The following CCDC102B variants were observed in gnomAD, a reference collection of about 807,000 sequenced individuals.
CCDC102B encodes the protein coiled-coil domain containing 102B, also known as coiled-coil domain-containing protein 102B.
A neutral mutation model predicts 57.4 loss-of-function variants in CCDC102B; 75 were observed. The observed-to-expected ratio is 1.31, with a 90% CI of 1.08 to 1.58. CCDC102B has a LOEUF of 1.58. CCDC102B is among the 40% of genes most tolerant of loss of function. CCDC102B has a pLI of 0.00. For missense variants in CCDC102B, 636 were observed against 582.6 expected (o/e 1.09, Z -0.94); for synonymous variants, 206 against 201.9 (o/e 1.02, Z -0.17).
intron 2 of CCDC102B, among the ~76,000 whole-genome samples, chr18:68,737,556 C>T (rs527577371): frequency 9.9e-5 from 15 of 151,880 alleles, no homozygotes. Flanking sequence ...GGAGGGTTTT[C>T]TCAAACTCTC....
intron 2 of CCDC102B, among the ~76,000 whole-genome samples, chr18:68,758,041 A>G (rs762457154): frequency 1.3e-5 from 2 of 152,136 alleles, no homozygotes; most frequent in African/African-American, 2.4e-5. Context: ...GTCTTAATTT[A>G]TGAATATATT....
intron 4 of CCDC102B, among the ~76,000 whole-genome samples, chr18:68,860,633 G>A (rs1241125822): frequency 9.9e-6 from 1 of 101,282 alleles, no homozygotes; most frequent in Non-Finnish European, 2.2e-5. Context: ...CCTCTGCCTG[G>A]AGTGGTCTTC....
intron 6 of CCDC102B, among the ~76,000 whole-genome samples, chr18:68,931,784 G>A (rs193015409): frequency 2.0e-5 from 3 of 151,982 alleles, no homozygotes; most frequent in Admixed American, 6.6e-5. Context: ...GAAGTGGCAG[G>A]TACCTCTCAC....
chr18:68,724,288 GC>G (rs2145190891), intron 2 of CCDC102B, among the ~76,000 whole-genome samples: 1 of 152,320 alleles, frequency 6.6e-6, no homozygotes, highest in Admixed American at 6.5e-5. Flanking sequence ...TTTCTGACAT[GC>G]CCCGAAGACA....
At chr18:69,011,218 A>G (rs377556758) in intron 7 of CCDC102B, 114 bp downstream of exon 7, 3 of 854,534 alleles carry the variant, frequency 3.5e-6, no homozygotes, top group South Asian at 2.4e-5. Context: ...AAATATTCAT[A>G]TCTTAATGAC....
At chr18:69,045,353 A>T (rs943274139) in intron 7 of CCDC102B, among the ~76,000 whole-genome samples, 1 of 152,114 alleles carries the variant, frequency 6.6e-6, no homozygotes, top group Admixed American at 6.6e-5. Flanking sequence ...CAAATTATTA[A>T]CATGTTAATC....
chr18:68,853,915 A>G (rs1470260123), intron 4 of CCDC102B, among the ~76,000 whole-genome samples: 5 of 152,092 alleles, frequency 3.3e-5, no homozygotes, highest in East Asian at 1.9e-4. Context: ...AGGTCCTGTT[A>G]GAGAACTAGA....
intron 6 of CCDC102B, among the ~76,000 whole-genome samples, chr18:68,915,892 T>A (rs1394438535): frequency 6.6e-6 from 1 of 152,182 alleles, no homozygotes; most frequent in Non-Finnish European, 1.5e-5. Flanking sequence ...CTATGACATA[T>A]AGGCAGAATG....
intron 6 of CCDC102B, among the ~76,000 whole-genome samples, chr18:68,917,047 T>C (rs1301199927): frequency 1.3e-5 from 2 of 152,216 alleles, no homozygotes; most frequent in African/African-American, 2.4e-5. Context: ...ATAACGATTT[T>C]GCCTGGAATC....
intron 6 of CCDC102B, among the ~76,000 whole-genome samples, chr18:68,977,398 A>G (rs933017166): frequency 1.3e-5 from 2 of 151,932 alleles, no homozygotes; most frequent in Non-Finnish European, 2.9e-5. Context: ...TATTTCTCCT[A>G]ACGCTATCCC....
At chr18:68,830,085 T>C (rs1485636809) in intron 1 of CCDC102B, among the ~76,000 whole-genome samples, 1 of 151,992 alleles carries the variant, frequency 6.6e-6, no homozygotes, top group Non-Finnish European at 1.5e-5. Context: ...TTATTGGTTA[T>C]GTGCTCTCAT....
At chr18:68,946,407 G>T (rs2049540070) in intron 6 of CCDC102B, among the ~76,000 whole-genome samples, 1 of 151,928 alleles carries the variant, frequency 6.6e-6, no homozygotes, top group Non-Finnish European at 1.5e-5. Flanking sequence ...TATAGTGTGT[G>T]AATATTACAT....
intron 6 of CCDC102B, among the ~76,000 whole-genome samples, chr18:69,003,428 G>C (rs765329147): frequency 6.6e-6 from 1 of 152,080 alleles, no homozygotes; most frequent in Non-Finnish European, 1.5e-5. Context: ...TATCTTTGCT[G>C]CTTCTCCTCA....
At position 68,927,309 on chromosome 18, in the gene CCDC102B, T is replaced by A. The variant is rs546820499; in HGVS notation, c.1263+29881T>A. On this transcript the variant is annotated intron_variant, in intron 6 of 7. Transcript: ENST00000360242. ...ATTCATAATGCTCGACATATGAAAG[T>A]CATCTTCAATTAAGCATTTATCCAT... Among the ~76,000 whole-genome samples the A allele has an allele frequency of 2.4e-4, 36 of 152,144 alleles. No individual in the cohort carries two copies. In the South Asian group the frequency reaches 5.4e-3, roughly 23 times the overall value.
intron 6 of CCDC102B, among the ~76,000 whole-genome samples, chr18:68,932,742 G>A (rs1599712244): frequency 1.3e-5 from 2 of 151,978 alleles, no homozygotes; most frequent in East Asian, 3.9e-4. Context: ...TCCTCAGTTT[G>A]AAACATACAG....
intron 6 of CCDC102B, among the ~76,000 whole-genome samples, chr18:68,941,822 A>T (rs2049387896): frequency 6.6e-6 from 1 of 152,154 alleles, no homozygotes; most frequent in African/African-American, 2.4e-5. Context: ...ACAGTATTTT[A>T]TATTCAATAT....
At chr18:68,863,477 T>G (rs2038847789) in intron 4 of CCDC102B, among the ~76,000 whole-genome samples, 1 of 151,994 alleles carries the variant, frequency 6.6e-6, no homozygotes, top group South Asian at 2.1e-4. Flanking sequence ...CCTCATTGCC[T>G]AGAACCATAG....
intron 4 of CCDC102B, among the ~76,000 whole-genome samples, chr18:68,847,653 A>G (rs1288184576): frequency 6.6e-6 from 1 of 151,842 alleles, no homozygotes; most frequent in African/African-American, 2.4e-5. Context: ...AAATAAAAGT[A>G]TGACATTATA....
intron 6 of CCDC102B, among the ~76,000 whole-genome samples, chr18:68,968,889 G>A (rs1353329261): frequency 2.0e-5 from 3 of 152,080 alleles, no homozygotes; most frequent in South Asian, 4.1e-4. Flanking sequence ...TATTAAAGCT[G>A]AATGATATTC....
Sources: allele counts gnomAD v4.1 joint callset (sites outside exome capture counted in the v4.1 genomes callset), GRCh38; gene constraint gnomAD v4.1.1; transcripts MANE v1.5; gene names NCBI Gene and HGNC (gene_info 2026-07-23, HGNC 2026-07-21).